The following ZFYVE16 variants were observed in gnomAD, a reference collection of about 807,000 sequenced individuals.
ZFYVE16 encodes zinc finger FYVE-type containing 16, also known as zinc finger FYVE domain-containing protein 16.
Under a neutral mutation model 138.1 loss-of-function variants are expected in ZFYVE16, and 89 were observed. That is an observed-to-expected ratio of 0.64 (90% CI 0.54 to 0.77). ZFYVE16 has a LOEUF of 0.77. Among genes scored for constraint, ZFYVE16 ranks in the 30% least tolerant of loss-of-function variants. The pLI, the probability that ZFYVE16 is intolerant of heterozygous loss-of-function variation, is 0.00. For missense variants in ZFYVE16, 1,793 were observed against 1,786.7 expected (o/e 1.00, Z -0.06); for synonymous variants, 596 against 618.3 (o/e 0.96, Z 0.53).
intron 15 of ZFYVE16, among the ~76,000 whole-genome samples, chr5:80,464,531 C>T (rs1217952770): frequency 6.6e-6 from 1 of 152,104 alleles, no homozygotes; most frequent in African/African-American, 2.4e-5. Context: ...GGACACAAAG[C>T]CTAACCATAT....
chr5:80,459,506 A>G lies in ZFYVE16; in HGVS notation c.4024+12A>G. On this transcript the variant is annotated intron_variant, in intron 15 of 18. Transcript: ENST00000505560. ...CAGCATAGTTGAAGGTATGAATTTC[A>G]TTTTTAATGGTGTTTTAATGTAGAG... The G allele has an allele frequency of 5.0e-6, 8 of 1,601,562 alleles. No individual in the cohort carries two copies. Among genetic ancestry groups the G allele is most frequent in the Non-Finnish European group, 6.8e-6 (8 of 1,172,986 alleles).
At chr5:80,440,555 TCAACTTTAGAATTTTG>T in intron 5 of ZFYVE16, 1 of 985,330 alleles carries the variant, frequency 1.0e-6, no homozygotes, top group Non-Finnish European at 1.2e-6. Context: ...TTTTCTTTTC[TCAACTTTAGAATTTTG>T]CATATGTACA....
chr5:80,479,084 C>T lies in ZFYVE16; in HGVS notation c.*1707C>T, dbSNP rs963070658. 6.6e-5 allele frequency: 10 copies of T among 152,006 alleles called. No homozygotes were observed. Among genetic ancestry groups the T allele is most frequent in the African/African-American group, 2.4e-4 (10 of 41,354 alleles). 9.4% of individuals were successfully genotyped at this position (152,006 alleles called of 1,614,324 possible). ...CTTTGGATTTGTTTTCATAAAATCT[C>T]TATATTCAATAAAAATTGGAATTAT... On this transcript the variant is annotated 3_prime_UTR_variant, in exon 19 of 19. Transcript: ENST00000505560.
At chr5:80,413,920 C>T (rs1187143933) in intron 1 of ZFYVE16, among the ~76,000 whole-genome samples, 1 of 151,990 alleles carries the variant, frequency 6.6e-6, no homozygotes, top group Non-Finnish European at 1.5e-5. Context: ...TTTTTTGTAC[C>T]AACTCCTACC....
chr5:80,470,653 G>A (rs917728432), intron 15 of ZFYVE16, among the ~76,000 whole-genome samples: 1 of 151,844 alleles, frequency 6.6e-6, no homozygotes, highest in Non-Finnish European at 1.5e-5. Context: ...TGGGACTGCA[G>A]GTGCACACCA....
At position 80,479,773 on chromosome 5, in the gene ZFYVE16, G is replaced by A. The variant is rs1755196405; in HGVS notation, c.*2396G>A. On this transcript the variant is annotated 3_prime_UTR_variant, in exon 19 of 19. Transcript: ENST00000505560. ...CCCTTACTCTGACAACCTTATGAGT[G>A]AGGGGGACAGAAATTAAAGTTCAGG... Among the ~76,000 whole-genome samples, 1 of 152,208 alleles carries A rather than the reference G, an allele frequency of 6.6e-6. No individual in the cohort carries two copies. The highest frequency in any genetic ancestry group is 1.9e-4 in the East Asian group (1 of 5,198).
rs1434157015 is a variant in ZFYVE16, at chr5:80,479,527, T to C, written c.*2150T>C. Among the ~76,000 whole-genome samples, 1 of 152,168 alleles carries C rather than the reference T, an allele frequency of 6.6e-6. No individual in the cohort carries two copies. The highest frequency in any genetic ancestry group is 1.5e-5 in the Non-Finnish European group (1 of 68,022). ...GTAGTATGCGCTTAAGTGCAGAGCA[T>C]GCCAAGAGAAAGAGTAGGATTTGGC... On this transcript the variant is annotated 3_prime_UTR_variant, in exon 19 of 19. Transcript: ENST00000505560.
intron 9 of ZFYVE16, 131 bp downstream of exon 9, chr5:80,449,844 A>G: frequency 2.0e-6 from 2 of 1,024,422 alleles, no homozygotes; most frequent in South Asian, 3.5e-5. Context: ...TCAGCCACAT[A>G]TGACTGTAAA....
In ZFYVE16 at chr5:80,456,566, G is replaced by A. The variant is rs1297905752; in HGVS notation, c.3795+1G>A. The A allele has an allele frequency of 6.2e-7, 1 of 1,601,684 alleles. No homozygotes were observed. Reference sequence around the variant, plus strand: ...AATACCACGGAAAAAGTACAGTGATGTAAGTATAATTGTTTTATTCAAATG... The same window carrying A: ...AATACCACGGAAAAAGTACAGTGATATAAGTATAATTGTTTTATTCAAATG... On this transcript the variant is annotated splice_donor_variant, in intron 13 of 18. Coordinates refer to ENST00000505560, the MANE Select transcript of ZFYVE16 (RefSeq NM_001284236.3). LOFTEE classifies it high-confidence loss of function.
chr5:80,438,697 C>T lies in ZFYVE16; in HGVS notation c.2012C>T (p.Pro671Leu), dbSNP rs1460491208. Reference sequence around the variant, plus strand: ...AAGGACCTGAATAAGCCAGATGTTCCAGATACAATAGAAAGTGAACCCAGC... The same window carrying T: ...AAGGACCTGAATAAGCCAGATGTTCTAGATACAATAGAAAGTGAACCCAGC... ...SSKDLNKPDV[P>L]DTIESEPSTA... Residue 671 changes from proline (P) to leucine (L), a missense_variant, in exon 4 of 19, where the codon CCA becomes CTA. Pro to Leu is a moderately conservative substitution (Grantham distance 98). Around this residue, in one of 2 missense-constraint regions of ZFYVE16, gnomAD observed 1,295 missense variants for 1,204.3 expected, o/e 1.08. Coordinates refer to ENST00000505560, the MANE Select transcript of ZFYVE16 (RefSeq NM_001284236.3). 6 of 1,613,998 alleles carry T rather than the reference C, an allele frequency of 3.7e-6. No individual in the cohort carries two copies. In the South Asian group the frequency reaches 5.5e-5, roughly 15 times the overall value.
chr5:80,459,290 G>GTTTCTAGT, intron 14 of ZFYVE16, 124 bp from the exon 15 acceptor site: 1 of 633,998 alleles, frequency 1.6e-6, no homozygotes, highest in Non-Finnish European at 2.6e-6. Flanking sequence ...TAGTTTTCTA[G>GTTTCTAGT]TTTAAGTTGT....
chr5:80,453,686 G>A (rs977434215), intron 11 of ZFYVE16, among the ~76,000 whole-genome samples: 1 of 152,130 alleles, frequency 6.6e-6, no homozygotes, highest in Non-Finnish European at 1.5e-5. Context: ...TGGTGCCCAT[G>A]TCTTTTTAGA....
upstream of ZFYVE16, chr5:80,407,964 G>A (rs1744834216): frequency 6.6e-6 from 1 of 152,388 alleles, no homozygotes; most frequent in Admixed American, 6.5e-5. Context: ...CGGATGCCGA[G>A]GGAGGGGGCG....
intron 15 of ZFYVE16, among the ~76,000 whole-genome samples, chr5:80,470,316 T>C (rs1314659320): frequency 9.2e-5 from 14 of 151,520 alleles, no homozygotes; most frequent in Non-Finnish European, 1.6e-4. Context: ...TTAGCCAGGA[T>C]GGTCTCGATC....
intron 15 of ZFYVE16, among the ~76,000 whole-genome samples, chr5:80,461,745 G>A (rs1329535758): frequency 6.6e-6 from 1 of 152,076 alleles, no homozygotes; most frequent in Non-Finnish European, 1.5e-5. Flanking sequence ...GGAGGCTGAG[G>A]CAGGTGGATC....
chr5:80,465,400 G>GTTTTTTTTTGTTTTTTT (rs1753600981), intron 15 of ZFYVE16, among the ~76,000 whole-genome samples: 2 of 26,778 alleles, frequency 7.5e-5, no homozygotes, highest in African/African-American at 1.0e-4. Context: ...CCTTTTCTTT[G>GTTTTTTTTTGTTTTTTT]TTTTTTTTTT....
At chr5:80,440,872 A>G (rs916330600) in intron 5 of ZFYVE16, 1 of 985,132 alleles carries the variant, frequency 1.0e-6, no homozygotes, top group Non-Finnish European at 1.2e-6. Flanking sequence ...AATACCTGAT[A>G]ATAATTTGTT....
At chr5:80,409,190 T>A (rs926397528) in intron 1 of ZFYVE16, among the ~76,000 whole-genome samples, 2 of 152,226 alleles carry the variant, frequency 1.3e-5, no homozygotes, top group African/African-American at 2.4e-5. Flanking sequence ...TTGGATTGTC[T>A]GCTTTCCTTG....
intron 2 of ZFYVE16, among the ~76,000 whole-genome samples, chr5:80,433,096 C>G (rs1749330282): frequency 6.6e-6 from 1 of 152,094 alleles, no homozygotes; most frequent in South Asian, 2.1e-4. Flanking sequence ...GGTATATACC[C>G]AAAGGACTAT....
Sources: allele counts gnomAD v4.1 joint callset (sites outside exome capture counted in the v4.1 genomes callset), GRCh38; gene constraint gnomAD v4.1.1; regional missense constraint gnomAD v4.1.1; transcripts MANE v1.5; gene names NCBI Gene and HGNC (gene_info 2026-07-23, HGNC 2026-07-21).